Variants in ITPR2 observed in about 807,000 individuals in gnomAD.
ITPR2 encodes the protein inositol 1,4,5-trisphosphate-gated calcium channel ITPR2.
A neutral mutation model predicts 317.1 loss-of-function variants in ITPR2; 207 were observed. That is an observed-to-expected ratio of 0.65 (90% CI 0.58 to 0.73). The LOEUF (loss-of-function observed/expected upper bound fraction) is 0.73. Ranked by LOEUF, ITPR2 falls within the 30% of genes least tolerant of loss-of-function variation. The pLI is 0.00. For synonymous variants in ITPR2, 1,156 were observed against 1,149.1 expected (o/e 1.01, Z -0.12); for missense variants, 2,613 against 3,284.0 (o/e 0.80, Z 4.99).
chr12:26,746,221 C>T (rs1346515368), intron 2 of ITPR2, among the ~76,000 whole-genome samples: 1 of 151,282 alleles, frequency 6.6e-6, no homozygotes, highest in Non-Finnish European at 1.5e-5. Flanking sequence ...CACATACACA[C>T]ACACAAATGT....
intron 55 of ITPR2, among the ~76,000 whole-genome samples, chr12:26,375,164 A>G (rs1939299665): frequency 6.6e-6 from 1 of 152,264 alleles, no homozygotes; most frequent in Non-Finnish European, 1.5e-5. Flanking sequence ...CAATGTGGAC[A>G]TTATTATTCC....
At chr12:26,410,125 A>C (rs1940493183) in intron 52 of ITPR2, among the ~76,000 whole-genome samples, 1 of 152,204 alleles carries the variant, frequency 6.6e-6, no homozygotes, top group African/African-American at 2.4e-5. Flanking sequence ...TCACTGTTAT[A>C]GTATGTGAGG....
intron 9 of ITPR2, among the ~76,000 whole-genome samples, chr12:26,702,182 G>A (rs561664141): frequency 6.6e-6 from 1 of 152,194 alleles, no homozygotes; most frequent in Admixed American, 6.5e-5. Context: ...TGTGTGGACA[G>A]CTGTGTCAAA....
intron 55 of ITPR2, among the ~76,000 whole-genome samples, chr12:26,351,282 G>C (rs747874718): frequency 1.5e-4 from 23 of 152,208 alleles, no homozygotes; most frequent in Non-Finnish European, 3.1e-4. Context: ...AGATGCTGTA[G>C]TGGCATCAGA....
At chr12:26,463,673 A>G (rs1035040848) in intron 45 of ITPR2, among the ~76,000 whole-genome samples, 5 of 133,946 alleles carry the variant, frequency 3.7e-5, no homozygotes, top group Non-Finnish European at 8.3e-5. Context: ...CTCAAAAAAC[A>G]AAACACAAAA....
At chr12:26,663,246 C>A (rs1451539112) in intron 15 of ITPR2, among the ~76,000 whole-genome samples, 1 of 152,194 alleles carries the variant, frequency 6.6e-6, no homozygotes, top group African/African-American at 2.4e-5. Context: ...CTGGGCTCTC[C>A]CTCTGGTGAA....
At chr12:26,398,370 C>G (rs1940072189) in intron 54 of ITPR2, among the ~76,000 whole-genome samples, 2 of 152,142 alleles carry the variant, frequency 1.3e-5, no homozygotes, top group Admixed American at 6.5e-5. Flanking sequence ...TTGCACTGAG[C>G]TGAGATCGTG....
intron 39 of ITPR2, among the ~76,000 whole-genome samples, chr12:26,492,935 A>G (rs1197068859): frequency 0.014 from 2,032 of 149,588 alleles, 38 homozygotes; most frequent in South Asian, 0.051. Context: ...ATATATATAT[A>G]TATATATAAA....
chr12:26,724,738 G>T lies in ITPR2; in HGVS notation c.284C>A (p.Ala95Asp). 1 of 1,602,228 alleles carries T rather than the reference G, an allele frequency of 6.2e-7. No homozygotes were observed. Among genetic ancestry groups the T allele is most frequent in the Non-Finnish European group, 8.5e-7 (1 of 1,171,408 alleles). ...EAALLKKLQH[A>D]AELEQKQNES... ...ATTTTGTTTTTGTTCCAGTTCTGCA[G>T]CGTGCTATAAGATGATTATCAAATA... The change falls in exon 4 of 57, where the codon GCT becomes GAT. Residue 95 changes from alanine to aspartate, a missense_variant. Ala to Asp is a moderately radical substitution (Grantham distance 126). Around this residue, in one of 9 missense-constraint regions of ITPR2, gnomAD observed 515 missense variants for 789.4 expected, o/e 0.65. Coordinates refer to ENST00000381340, the MANE Select transcript of ITPR2 (RefSeq NM_002223.4).
chr12:26,749,845 T>C lies in ITPR2; in HGVS notation c.164-24080A>G, dbSNP rs545765895. Among the ~76,000 whole-genome samples, 27 of 152,360 alleles carry C rather than the reference T, an allele frequency of 1.8e-4. No individual in the cohort carries two copies. The South Asian group carries it at 5.0e-3, about 28-fold the overall frequency. ...ATGTGCATTATTCAGTAATCATGTA[T>C]GGGTTTCTTTTTCTTTTTTTTGCTG... On this transcript the variant is annotated intron_variant, in intron 2 of 56. Transcript: ENST00000381340.
intron 8 of ITPR2, among the ~76,000 whole-genome samples, chr12:26,714,163 T>A (rs963566762): frequency 6.6e-6 from 1 of 152,236 alleles, no homozygotes; most frequent in Admixed American, 6.5e-5. Context: ...AAGGCTCAGC[T>A]CATTTGCAGA....
At chr12:26,599,806 T>G (rs1244020620) in intron 29 of ITPR2, among the ~76,000 whole-genome samples, 181 bp downstream of exon 29, 1 of 151,788 alleles carries the variant, frequency 6.6e-6, no homozygotes, top group Non-Finnish European at 1.5e-5. Context: ...TGTGCAATTT[T>G]TCAAGTTTCT....
At chr12:26,466,333 A>T (rs1358274990) in intron 45 of ITPR2, among the ~76,000 whole-genome samples, 1 of 152,242 alleles carries the variant, frequency 6.6e-6, no homozygotes, top group Non-Finnish European at 1.5e-5. Context: ...AAAGTTGGTC[A>T]TTAATGAATA....
chr12:26,662,103 C>T (rs1057109886), intron 15 of ITPR2, among the ~76,000 whole-genome samples: 8 of 152,150 alleles, frequency 5.3e-5, no homozygotes, highest in African/African-American at 1.9e-4. Flanking sequence ...TATCTTCTAG[C>T]TAATGTTTTT....
chr12:26,795,384 C>G (rs1463564396), intron 1 of ITPR2, among the ~76,000 whole-genome samples: 2 of 151,884 alleles, frequency 1.3e-5, no homozygotes, highest in Non-Finnish European at 2.9e-5. Context: ...CCAGACTAAA[C>G]AAAAAGGACA....
intron 45 of ITPR2, among the ~76,000 whole-genome samples, chr12:26,451,825 G>T (rs1392198415): frequency 2.0e-5 from 3 of 152,122 alleles, no homozygotes; most frequent in Non-Finnish European, 4.4e-5. Flanking sequence ...AAAAAAGGAA[G>T]AAAACAGCCC....
intron 8 of ITPR2, among the ~76,000 whole-genome samples, chr12:26,712,693 T>C (rs1243541175): frequency 2.6e-5 from 4 of 151,930 alleles, no homozygotes; most frequent in South Asian, 4.1e-4. Flanking sequence ...GGTTTGTATA[T>C]AAATGCTAAG....
chr12:26,580,641 T>C (rs1340251679), intron 32 of ITPR2, among the ~76,000 whole-genome samples: 2 of 152,098 alleles, frequency 1.3e-5, no homozygotes, highest in African/African-American at 4.8e-5. Context: ...AACAGAAAGG[T>C]AGGAGAAGAT....
chr12:26,409,648 C>A (rs1175758658), intron 52 of ITPR2, among the ~76,000 whole-genome samples: 1 of 151,974 alleles, frequency 6.6e-6, no homozygotes, highest in Non-Finnish European at 1.5e-5. Context: ...CTGTATAAAA[C>A]TAGAGCAAGT....
Sources: gnomAD v4.1 joint callset for allele counts (sites outside exome capture counted in the v4.1 genomes callset) on GRCh38, gnomAD v4.1.1 for gene constraint, gnomAD v4.1.1 regional missense constraint, MANE v1.5 for transcripts, NCBI Gene and HGNC (gene_info 2026-07-23, HGNC 2026-07-21) for gene names.